PRKAR2A: variants seen among roughly 807,000 people sequenced by gnomAD.
The protein encoded by PRKAR2A is protein kinase cAMP-dependent type II regulatory subunit alpha, also known as cAMP-dependent protein kinase type II-alpha regulatory subunit.
A neutral mutation model predicts 51.9 loss-of-function variants in PRKAR2A; 29 were observed. The observed-to-expected ratio is 0.56, with a 90% CI of 0.42 to 0.76. The LOEUF is 0.76. PRKAR2A is among the 30% of genes least tolerant of loss of function. The pLI is 0.00. For synonymous variants in PRKAR2A, 178 were observed against 186.2 expected (o/e 0.96, Z 0.36); for missense variants, 445 against 512.1 (o/e 0.87, Z 1.26).
At chr3:48,808,048 C>CT (rs1181440560) in intron 1 of PRKAR2A, among the ~76,000 whole-genome samples, 131 of 122,686 alleles carry the variant, frequency 1.1e-3, no homozygotes, top group African/African-American at 1.4e-3. Flanking sequence ...TTCTTTCTTT[C>CT]TTTTTTTTTT....
chr3:48,801,350 AC>A (rs2082587069), intron 2 of PRKAR2A, among the ~76,000 whole-genome samples: 1 of 152,008 alleles, frequency 6.6e-6, no homozygotes, highest in Admixed American at 6.6e-5. Context: ...ACGAAGCTTC[AC>A]CATGTTGGCC....
chr3:48,812,713 A>C (rs1027107644), intron 1 of PRKAR2A, among the ~76,000 whole-genome samples: 3 of 152,064 alleles, frequency 2.0e-5, no homozygotes, highest in Admixed American at 6.6e-5. Flanking sequence ...CAATCTCCTG[A>C]CCTTGTGATC....
intron 3 of PRKAR2A, among the ~76,000 whole-genome samples, chr3:48,793,572 AT>A (rs556285506): frequency 3.5e-5 from 5 of 140,868 alleles, no homozygotes; most frequent in South Asian, 2.3e-4. Flanking sequence ...CATGCCCAGC[AT>A]TTTTTTTTTA....
chr3:48,792,354 C>T lies in PRKAR2A; in HGVS notation c.351+1643G>A, dbSNP rs1178436934. ...ATGGGGTTTCACCATATTGGTCAGG[C>T]TGGTCTCGAACTCCTGACCTCATGA... On this transcript the variant is annotated intron_variant, in intron 3 of 10. Coordinates refer to ENST00000265563, the MANE Select transcript of PRKAR2A (RefSeq NM_004157.4). Among the ~76,000 whole-genome samples, 3 of 150,754 alleles carry T rather than the reference C, an allele frequency of 2.0e-5. No homozygotes were observed. In the East Asian group the frequency reaches 5.9e-4, roughly 30 times the overall value.
intron 1 of PRKAR2A, among the ~76,000 whole-genome samples, chr3:48,840,154 GATA>G (rs1004385429): frequency 1.3e-5 from 2 of 152,018 alleles, no homozygotes; most frequent in African/African-American, 4.8e-5. Flanking sequence ...TTTCATTTAG[GATA>G]ATATTTTCAA....
In PRKAR2A at chr3:48,760,842, A is replaced by G. The variant is rs1159966207; in HGVS notation, c.873+4162T>C. Among the ~76,000 whole-genome samples, 4 of 151,002 alleles carry G rather than the reference A, an allele frequency of 2.6e-5. No individual in the cohort carries two copies. The Admixed American group carries it at 2.6e-4, about 10-fold the overall frequency. On this transcript the variant is annotated intron_variant, in intron 8 of 10. Transcript: ENST00000265563. ...AAGAGCAAAACTCCGTCTCAAAAAA[A>G]AAAAAAAAAAAATTAGCTTAGTGTG...
In PRKAR2A at chr3:48,823,450, A is replaced by C. The variant is rs564391635; in HGVS notation, c.263-15766T>G. ...TGCTTGGTGTGTGGAGGAAAAAAAA[A>C]CACATATTTGGTCACAGAAGTCTTC... On this transcript the variant is annotated intron_variant, in intron 1 of 10. Transcript: ENST00000265563. Among the ~76,000 whole-genome samples the C allele has an allele frequency of 5.3e-5, 8 of 152,002 alleles. No homozygotes were observed. The South Asian group carries it at 1.0e-3, about 20-fold the overall frequency.
intron 1 of PRKAR2A, among the ~76,000 whole-genome samples, chr3:48,840,274 C>T (rs1230607746): frequency 2.0e-5 from 3 of 152,008 alleles, no homozygotes; most frequent in Non-Finnish European, 4.4e-5. Flanking sequence ...ACGGGTGGAT[C>T]ACCTGAGGTT....
At chr3:48,834,819 A>G (rs1166401283) in intron 1 of PRKAR2A, among the ~76,000 whole-genome samples, 1 of 151,740 alleles carries the variant, frequency 6.6e-6, no homozygotes, top group Non-Finnish European at 1.5e-5. Flanking sequence ...TTTCCAGACA[A>G]AAAGTTTCAA....
intron 5 of PRKAR2A, among the ~76,000 whole-genome samples, chr3:48,775,780 T>C (rs1022320924): frequency 2.6e-5 from 4 of 151,988 alleles, no homozygotes; most frequent in African/African-American, 9.7e-5. Flanking sequence ...ATGGGTCAAA[T>C]ACATGTTTCT....
chr3:48,753,016 T>A (rs1264260520), intron 9 of PRKAR2A, among the ~76,000 whole-genome samples: 1 of 140,408 alleles, frequency 7.1e-6, no homozygotes, highest in East Asian at 2.3e-4. Flanking sequence ...CACTTCAAGC[T>A]CTGCCTCCCA....
chr3:48,793,943 G>A, intron 3 of PRKAR2A, 54 bp downstream of exon 3: 1 of 1,336,188 alleles, frequency 7.5e-7, no homozygotes, highest in Non-Finnish European at 1.1e-6. Context: ...GTAGAGAAGG[G>A]GAGTTAATGA....
intron 2 of PRKAR2A, among the ~76,000 whole-genome samples, chr3:48,806,013 C>T (rs949770366): frequency 6.6e-6 from 1 of 152,110 alleles, no homozygotes; most frequent in Non-Finnish European, 1.5e-5. Flanking sequence ...AGGGATTTAA[C>T]TAATCTTTCA....
intron 6 of PRKAR2A, among the ~76,000 whole-genome samples, 176 bp downstream of exon 6, chr3:48,772,779 T>C (rs1464978202): frequency 2.0e-5 from 3 of 152,198 alleles, no homozygotes; most frequent in Non-Finnish European, 2.9e-5. Flanking sequence ...TAGCTGGGAC[T>C]ACACATGCCC....
intron 1 of PRKAR2A, among the ~76,000 whole-genome samples, chr3:48,842,473 G>A (rs1471014557): frequency 8.5e-5 from 13 of 152,164 alleles, no homozygotes; most frequent in Non-Finnish European, 2.9e-5. Context: ...GGTGAGAAAG[G>A]GCATCCCTGT....
rs1278595157 is a variant in PRKAR2A, at chr3:48,748,251, C to T, written c.*3334G>A. ...AAAGGAATCCTTTCACCTCAGCCTA[C>T]TGAGTGTGCACCACCAGGTCCAGCT... On this transcript the variant is annotated 3_prime_UTR_variant, in exon 11 of 11. Coordinates refer to ENST00000265563, the MANE Select transcript of PRKAR2A (RefSeq NM_004157.4). The T allele has an allele frequency of 6.6e-6, 1 of 150,964 alleles. No individual in the cohort carries two copies. The highest frequency in any genetic ancestry group is 1.5e-5 in the Non-Finnish European group (1 of 67,868). 9.4% of individuals were successfully genotyped at this position (150,964 alleles called of 1,614,324 possible).
chr3:48,755,377 A>G (rs572385657), intron 9 of PRKAR2A, among the ~76,000 whole-genome samples: 31 of 151,710 alleles, frequency 2.0e-4, no homozygotes, highest in South Asian at 2.1e-4. Context: ...GTTTTAACAC[A>G]CTCTGTATTC....
intron 5 of PRKAR2A, among the ~76,000 whole-genome samples, chr3:48,777,497 C>T (rs2107270875): frequency 6.6e-6 from 1 of 152,228 alleles, no homozygotes; most frequent in African/African-American, 2.4e-5. Context: ...GCTCCGCCTC[C>T]TGGGTTTACA....
chr3:48,782,993 T>TGGA lies in PRKAR2A; in HGVS notation c.534_535insTCC (p.Val178_Ile179insSer). ...CAAAGCTCCATCTCCTACCGTTCTATGACATAAAAGTTGTCTCCATCATCT... is the reference window on the plus strand; with the variant it reads ...CAAAGCTCCATCTCCTACCGTTCTATGGAGACATAAAAGTTGTCTCCATCATCT... On this transcript the variant is annotated inframe_insertion, in exon 5 of 11. Coordinates refer to ENST00000265563, the MANE Select transcript of PRKAR2A (RefSeq NM_004157.4). 1 of 1,604,842 alleles carries TGGA rather than the reference T, an allele frequency of 6.2e-7. No individual in the cohort carries two copies. Among genetic ancestry groups the TGGA allele is most frequent in the Non-Finnish European group, 8.5e-7 (1 of 1,171,634 alleles).
Sources: allele counts gnomAD v4.1 joint callset (sites outside exome capture counted in the v4.1 genomes callset), GRCh38; gene constraint gnomAD v4.1.1; transcripts MANE v1.5; gene names NCBI Gene and HGNC (gene_info 2026-07-23, HGNC 2026-07-21).